The following TPST1 variants were observed in gnomAD, a reference collection of about 807,000 sequenced individuals.
TPST1 encodes the protein tyrosylprotein sulfotransferase 1, also known as protein-tyrosine sulfotransferase 1.
A neutral mutation model predicts 34.8 loss-of-function variants in TPST1; 20 were observed. The ratio of observed to expected loss-of-function variants is 0.57; its 90% CI spans 0.40 to 0.84. The LOEUF (loss-of-function observed/expected upper bound fraction) is 0.84, where lower values mean the gene tolerates loss of function less well. TPST1 is among the 40% of genes least tolerant of loss of function. The pLI, the probability that TPST1 is intolerant of heterozygous loss-of-function variation, is 0.00. For missense variants in TPST1, 353 were observed against 455.5 expected, an observed-to-expected ratio of 0.78 and a Z score of 2.05; for synonymous variants, 152 against 159.4, an observed-to-expected ratio of 0.95 and a Z score of 0.35.
At chr7:66,257,041 G>T (rs1790395470) in intron 2 of TPST1, among the ~76,000 whole-genome samples, 1 of 152,128 alleles carries the variant, frequency 6.6e-6, no homozygotes. Flanking sequence ...CAACCTCCTG[G>T]GTTCAAGTGA....
At chr7:66,293,074 TG>T (rs1446069930) in intron 3 of TPST1, among the ~76,000 whole-genome samples, 1 of 151,696 alleles carries the variant, frequency 6.6e-6, no homozygotes, top group Non-Finnish European at 1.5e-5. Context: ...GGCGTGGTGG[TG>T]GGCGCCTGTA....
intron 4 of TPST1, chr7:66,352,885 A>G (rs1469617236): frequency 2.0e-6 from 2 of 985,298 alleles, no homozygotes; most frequent in African/African-American, 3.5e-5. Context: ...GCCTAATTTG[A>G]AATAAAAATG....
chr7:66,324,045 G>A (rs894409519), intron 3 of TPST1, among the ~76,000 whole-genome samples: 1 of 152,162 alleles, frequency 6.6e-6, no homozygotes, highest in African/African-American at 2.4e-5. Context: ...TGGATCAATA[G>A]ATCACAAAGG....
At chr7:66,200,021 C>T in the TPST1 span, among the ~76,000 whole-genome samples, 1 of 152,160 alleles carries the variant, frequency 6.6e-6, no homozygotes, top group Non-Finnish European at 1.5e-5. Flanking sequence ...TGAGCCACTG[C>T]GCGGGGCCTG....
intron 3 of TPST1, among the ~76,000 whole-genome samples, chr7:66,337,640 G>A (rs900588969): frequency 3.3e-5 from 5 of 151,994 alleles, no homozygotes; most frequent in Non-Finnish European, 7.4e-5. Flanking sequence ...AACTACAACG[G>A]TTATTTAGGA....
intron 5 of TPST1, among the ~76,000 whole-genome samples, chr7:66,358,138 C>T (rs1037427902): frequency 6.6e-6 from 1 of 151,652 alleles, no homozygotes; most frequent in African/African-American, 2.4e-5. Flanking sequence ...CCCAGCTACT[C>T]GGGAGGCTGA....
At chr7:66,284,435 C>G (rs564441221) in intron 2 of TPST1, among the ~76,000 whole-genome samples, 1 of 147,344 alleles carries the variant, frequency 6.8e-6, no homozygotes, top group African/African-American at 2.4e-5. Flanking sequence ...TTTCTTCATA[C>G]TGTCTATATT....
intron 2 of TPST1, among the ~76,000 whole-genome samples, chr7:66,279,753 G>A (rs917398766): frequency 6.6e-6 from 1 of 152,114 alleles, no homozygotes; most frequent in Non-Finnish European, 1.5e-5. Context: ...TATAATTCTA[G>A]AGGGCCCAGA....
intron 4 of TPST1, among the ~76,000 whole-genome samples, chr7:66,355,668 G>A (rs1792567300): frequency 6.6e-6 from 1 of 151,906 alleles, no homozygotes. Flanking sequence ...GGGAGGCTGA[G>A]GCGGGCAGAT....
intron 2 of TPST1, among the ~76,000 whole-genome samples, chr7:66,251,979 TTTCC>T (rs1316847357): frequency 1.3e-5 from 2 of 152,188 alleles, no homozygotes; most frequent in African/African-American, 4.8e-5. Context: ...TTTGAAGGTG[TTTCC>T]TTCAAGAGTT....
chr7:66,276,001 A>T (rs1046634876), intron 2 of TPST1, among the ~76,000 whole-genome samples: 9 of 136,926 alleles, frequency 6.6e-5, no homozygotes, highest in East Asian at 4.0e-4. Context: ...AACTTAATTT[A>T]AAAAAAAAAA....
Position 66,332,072 on chromosome 7 carries a change from A to C in TPST1, c.1045-20433A>C, listed in dbSNP as rs1417623582. Among the ~76,000 whole-genome samples the C allele has an allele frequency of 6.6e-6, 1 of 152,188 alleles. No individual in the cohort carries two copies. The highest frequency in any genetic ancestry group is 1.5e-5 in the Non-Finnish European group (1 of 68,040). ...TTTCACTATATATTATGATGTAATA[A>C]TAACAGAAATAAAGTGCACAGTAAA... On this transcript the variant is annotated intron_variant, in intron 3 of 5. Transcript: ENST00000304842. The surrounding 1 kb of genome is among the most constrained non-coding windows in gnomAD (Gnocchi z 4.5).
chr7:66,214,519 C>T (rs1028386779), intron 1 of TPST1, among the ~76,000 whole-genome samples: 1 of 151,502 alleles, frequency 6.6e-6, no homozygotes, highest in Non-Finnish European at 1.5e-5. Flanking sequence ...TCGGAAGTGT[C>T]GTTAAGAATT....
At chr7:66,276,845 CTG>C (rs1790828833) in intron 2 of TPST1, among the ~76,000 whole-genome samples, 1 of 151,990 alleles carries the variant, frequency 6.6e-6, no homozygotes, top group African/African-American at 2.4e-5. Flanking sequence ...TTCTTCTTCT[CTG>C]TTTTCTTTTA....
rs550561897 is a variant in TPST1, at chr7:66,350,307, G to A, written c.1045-2198G>A. Among the ~76,000 whole-genome samples the A allele has an allele frequency of 1.0e-3, 158 of 152,242 alleles. 1 individual carries two copies. The highest frequency in any genetic ancestry group is 3.5e-3 in the African/African-American group (145 of 41,544). On this transcript the variant is annotated intron_variant, in intron 3 of 5. Coordinates refer to ENST00000304842, the MANE Select transcript of TPST1 (RefSeq NM_003596.4). ...TGGGATTACAGGCATGAGCTACCGC[G>A]CCCAGCCGAACAAATGATTCTTATA...
chr7:66,279,902 CAA>C (rs1215357128), intron 2 of TPST1, among the ~76,000 whole-genome samples: 3 of 152,182 alleles, frequency 2.0e-5, no homozygotes, highest in Non-Finnish European at 2.9e-5. Context: ...GCTAAACTGA[CAA>C]GAGATCAATC....
At chr7:66,285,096 C>G (rs911961665) in intron 2 of TPST1, among the ~76,000 whole-genome samples, 3 of 152,120 alleles carry the variant, frequency 2.0e-5, no homozygotes, top group South Asian at 2.1e-4. Flanking sequence ...TCATGACATA[C>G]AAGACTCTAT....
chr7:66,230,292 A>T (rs890008780), intron 1 of TPST1, among the ~76,000 whole-genome samples: 1 of 152,244 alleles, frequency 6.6e-6, no homozygotes, highest in Non-Finnish European at 1.5e-5. Flanking sequence ...ATTTCATGTA[A>T]ATGGAATCAT....
intron 2 of TPST1, among the ~76,000 whole-genome samples, chr7:66,275,012 G>A (rs897396872): frequency 1.3e-5 from 2 of 152,088 alleles, no homozygotes; most frequent in African/African-American, 4.8e-5. Context: ...GGCTAACACG[G>A]TGAAACCCCA....
Sources: allele counts gnomAD v4.1 joint callset (sites outside exome capture counted in the v4.1 genomes callset), GRCh38; gene constraint gnomAD v4.1.1; non-coding constraint Gnocchi (gnomAD v3.1); transcripts MANE v1.5; gene names NCBI Gene and HGNC (gene_info 2026-07-23, HGNC 2026-07-21).